The following GTF2A1L variants were observed in gnomAD, a reference collection of about 807,000 sequenced individuals.
GTF2A1L encodes the protein general transcription factor IIA subunit 1 like, also known as TFIIA-alpha and beta-like factor.
A neutral mutation model predicts 49.7 loss-of-function variants in GTF2A1L; 48 were observed. The ratio of observed to expected loss-of-function variants is 0.97; its 90% CI spans 0.77 to 1.23. The LOEUF (loss-of-function observed/expected upper bound fraction) is 1.23, where lower values mean the gene tolerates loss of function less well. Among genes scored for constraint, GTF2A1L ranks in the 50% most tolerant of loss-of-function variants. The probability of loss-of-function intolerance (pLI) is 0.00; values close to 1 mark genes in which losing one functional copy is unlikely to be tolerated. For synonymous variants in GTF2A1L, 246 were observed against 193.5 expected, an observed-to-expected ratio of 1.27 and a Z score of -2.25; for missense variants, 736 against 564.8, an observed-to-expected ratio of 1.30 and a Z score of -3.07.
rs563116730 is a variant in GTF2A1L at position 48,633,187 on chromosome 2, C to T, written c.248-9215C>T. On this transcript the variant is annotated intron_variant, in intron 3 of 8. Coordinates refer to ENST00000403751, the MANE Select transcript of GTF2A1L (RefSeq NM_006872.5). ...AATGTGCTTTCGGTACCCTCACCCTCAGGGCCTTCTGCGGAGGCATTTCTG... is the reference window on the plus strand; with the variant it reads ...AATGTGCTTTCGGTACCCTCACCCTTAGGGCCTTCTGCGGAGGCATTTCTG... 4.6e-4 allele frequency: 101 copies of T among 218,660 alleles called. 2 individuals carry two copies. The South Asian group carries it at 8.9e-3, about 19-fold the overall frequency. The allele number at this position is 218,660 out of a possible 1,614,324, so 13.5% of individuals were successfully genotyped here.
intron 3 of GTF2A1L, among the ~76,000 whole-genome samples, chr2:48,625,905 C>T (rs1046944427): frequency 7.0e-6 from 1 of 143,512 alleles, no homozygotes; most frequent in African/African-American, 2.5e-5. Context: ...CTTTTGTAGC[C>T]CGAGCTTTTG....
rs1364815939 is a variant in GTF2A1L at position 48,668,829 on chromosome 2, C to A, written c.979-893C>A. 3.6e-5 allele frequency among the ~76,000 whole-genome samples: 5 copies of A among 139,438 alleles called. No individual in the cohort carries two copies. In the East Asian group the frequency reaches 7.8e-4, roughly 22 times the overall value. 91.5% of individuals were successfully genotyped at this position (139,438 alleles called of 152,430 possible). A position where few individuals can be genotyped will look rare whatever the true frequency, so the allele number is the denominator to read the frequency against. On this transcript the variant is annotated intron_variant, in intron 6 of 8. Coordinates refer to ENST00000403751, the MANE Select transcript of GTF2A1L (RefSeq NM_006872.5). The stretch of plus-strand genomic sequence containing the variant: ...CAGCCTGGGCGACAGAGCGAGACCC[C>A]GCCTCAAAAAATAAATAAATAAATA...
At chr2:48,617,977 TC>T in intron 1 of GTF2A1L, 82 bp downstream of exon 1, 3 of 1,354,138 alleles carry the variant, frequency 2.2e-6, no homozygotes, top group Non-Finnish European at 3.1e-6. Context: ...ACCTTTTGTT[TC>T]CCCCTGACAC....
Position 48,663,562 on chromosome 2 carries a change from T to G in GTF2A1L, c.979-6160T>G, listed in dbSNP as rs148026143. Among the ~76,000 whole-genome samples the G allele has an allele frequency of 7.6e-3, 1,158 of 152,346 alleles. 9 individuals carry two copies. Among genetic ancestry groups the G allele is most frequent in the African/African-American group, 0.027 (1,116 of 41,584 alleles). ...GTAAAGCACTGTTATTTTCCCATTT[T>G]GAGATCTCTAATGTAAAAATGTATT... On this transcript the variant is annotated intron_variant, in intron 6 of 8. Transcript: ENST00000403751.
rs534548198 is a variant in GTF2A1L at position 48,659,156 on chromosome 2, T to C, written c.979-10566T>C. 2.5e-3 allele frequency among the ~76,000 whole-genome samples: 385 copies of C among 152,272 alleles called. 1 individual carries two copies. The highest frequency in any genetic ancestry group is 8.7e-3 in the African/African-American group (360 of 41,572). Reference sequence around the variant, plus strand: ...GTGTCCTTCCATAGTCTGGTAACTATACACCTTGATAATGTTGATTTTGTA... The same window carrying C: ...GTGTCCTTCCATAGTCTGGTAACTACACACCTTGATAATGTTGATTTTGTA... On this transcript the variant is annotated intron_variant, in intron 6 of 8. Coordinates refer to ENST00000403751, the MANE Select transcript of GTF2A1L (RefSeq NM_006872.5).
chr2:48,656,975 G>A (rs1156297321), intron 6 of GTF2A1L, among the ~76,000 whole-genome samples: 3 of 152,142 alleles, frequency 2.0e-5, no homozygotes, highest in African/African-American at 7.2e-5. Flanking sequence ...GAATGGTCTT[G>A]TTACCCTTAT....
At chr2:48,663,265 C>T (rs1280772971) in intron 6 of GTF2A1L, among the ~76,000 whole-genome samples, 1 of 151,980 alleles carries the variant, frequency 6.6e-6, no homozygotes, top group African/African-American at 2.4e-5. Context: ...AAAACCCCAT[C>T]AATATAAAAA....
At position 48,642,407 on chromosome 2, in the gene GTF2A1L, T is replaced by G. The variant is rs758704458; in HGVS notation, c.253T>G (p.Leu85Val). 1.6e-5 allele frequency: 25 copies of G among 1,590,676 alleles called. No homozygotes were observed. Among genetic ancestry groups the G allele is most frequent in the Non-Finnish European group, 2.1e-5 (24 of 1,164,624 alleles). The change falls in exon 4 of 9, where the codon TTA becomes GTA. Residue 85 changes from leucine to valine, a missense_variant. By Grantham distance (32) the Leu-to-Val change is conservative. Transcript: ENST00000403751. ...TTATTTTGTTTCCTATGCAGCATCA[T>G]TAGTTATTCCTGCTGGTAGAACTCT... The part of the protein sequence containing the change: ...HQTLQSSTAS[L>V]VIPAGRTLPS...
intron 3 of GTF2A1L, among the ~76,000 whole-genome samples, chr2:48,631,521 T>C (rs1319060076): frequency 6.6e-6 from 1 of 152,190 alleles, no homozygotes; most frequent in African/African-American, 2.4e-5. Context: ...TTTTTCTTTG[T>C]TAATCTAGTT....
At chr2:48,641,501 A>T (rs1677195960) in intron 3 of GTF2A1L, among the ~76,000 whole-genome samples, 1 of 152,186 alleles carries the variant, frequency 6.6e-6, no homozygotes, top group African/African-American at 2.4e-5. Context: ...AGGCCATAAT[A>T]AATATTACAT....
chr2:48,636,301 A>G (rs1676884703), intron 3 of GTF2A1L, among the ~76,000 whole-genome samples: 1 of 152,154 alleles, frequency 6.6e-6, no homozygotes, highest in South Asian at 2.1e-4. Context: ...TTATCCTTCT[A>G]TTTCATCTCG....
chr2:48,666,709 A>T (rs146650060), intron 6 of GTF2A1L, among the ~76,000 whole-genome samples: 22 of 152,002 alleles, frequency 1.4e-4, no homozygotes, highest in Admixed American at 1.4e-3. Flanking sequence ...ACCCCTTCAC[A>T]TGAAATTTTT....
At chr2:48,636,411 G>T (rs1481373095) in intron 3 of GTF2A1L, among the ~76,000 whole-genome samples, 2 of 152,120 alleles carry the variant, frequency 1.3e-5, no homozygotes, top group Admixed American at 6.5e-5. Flanking sequence ...TATCTTTGTG[G>T]TTGTTCCTGC....
chr2:48,669,845 G>A lies in GTF2A1L; in HGVS notation c.1102G>A (p.Asp368Asn), dbSNP rs1558770293. 1.2e-6 allele frequency: 2 copies of A among 1,614,052 alleles called. No individual in the cohort carries two copies. Among genetic ancestry groups the A allele is most frequent in the Middle Eastern group, 1.7e-4 (1 of 6,060 alleles). ...NEEIGSTRDA[D>N]ENEFLGNIDG... is the part of the protein sequence containing the mutation. ...AGAAATAGGAAGTACAAGAGATGCA[G>A]ATGAGAATGAATTTCTAGGGAATAT... Residue 368 changes from aspartate to asparagine, a missense_variant, in exon 7 of 9, where the codon GAT becomes AAT. Physicochemically the swap from Asp to Asn is conservative, Grantham distance 23. Transcript: ENST00000403751.
chr2:48,645,623 A>T (rs770582316), intron 5 of GTF2A1L, among the ~76,000 whole-genome samples: 2 of 152,130 alleles, frequency 1.3e-5, no homozygotes, highest in Non-Finnish European at 1.5e-5. Flanking sequence ...GTAAAGTTTA[A>T]GTAAAGCACC....
chr2:48,652,508 C>T lies in GTF2A1L; in HGVS notation c.978+5466C>T, dbSNP rs186364623. On this transcript the variant is annotated intron_variant, in intron 6 of 8. Transcript: ENST00000403751. ...GCAGGCACCTGTAATCCCAGCTACTCGGGATCTGAGGCAAGAGAATCACTT... is the reference window on the plus strand; with the variant it reads ...GCAGGCACCTGTAATCCCAGCTACTTGGGATCTGAGGCAAGAGAATCACTT... Among the ~76,000 whole-genome samples the T allele has an allele frequency of 3.8e-3, 579 of 150,942 alleles. 3 individuals carry two copies. Among genetic ancestry groups the T allele is most frequent in the Middle Eastern group, 0.014 (4 of 292 alleles).
At chr2:48,622,862 A>C (rs1676086285) in intron 3 of GTF2A1L, among the ~76,000 whole-genome samples, 1 of 151,152 alleles carries the variant, frequency 6.6e-6, no homozygotes, top group African/African-American at 2.4e-5. Flanking sequence ...CATGGTGAAC[A>C]CTTCTAAGAT....
intron 3 of GTF2A1L, among the ~76,000 whole-genome samples, chr2:48,623,295 A>C (rs1223591571): frequency 6.6e-6 from 1 of 152,234 alleles, no homozygotes; most frequent in African/African-American, 2.4e-5. Context: ...AGCAAGTTCA[A>C]ATTAAATCTA....
At chr2:48,659,636 A>G (rs190208921) in intron 6 of GTF2A1L, among the ~76,000 whole-genome samples, 1 of 151,376 alleles carries the variant, frequency 6.6e-6, no homozygotes, top group Non-Finnish European at 1.5e-5. Context: ...TTTTGTCTTT[A>G]TTTTCTTTCA....
Sources: allele counts gnomAD v4.1 joint callset (sites outside exome capture counted in the v4.1 genomes callset), GRCh38; gene constraint gnomAD v4.1.1; transcripts MANE v1.5; gene names NCBI Gene and HGNC (gene_info 2026-07-23, HGNC 2026-07-21).